The following MYO1D variants were observed in gnomAD, a reference collection of about 807,000 sequenced individuals.
MYO1D encodes the protein unconventional myosin-Id.
Under a neutral mutation model 122.0 loss-of-function variants are expected in MYO1D, and 83 were observed. That is an observed-to-expected ratio of 0.68 (90% CI 0.57 to 0.82). The LOEUF is 0.82. Ranked by LOEUF, MYO1D falls within the 40% of genes least tolerant of loss-of-function variation. The pLI, the probability that MYO1D is intolerant of heterozygous loss-of-function variation, is 0.00. For synonymous variants in MYO1D, 464 were observed against 446.9 expected (o/e 1.04, Z -0.48); for missense variants, 1,157 against 1,269.5 (o/e 0.91, Z 1.35).
intron 21 of MYO1D, among the ~76,000 whole-genome samples, chr17:32,522,113 C>T (rs962688821): frequency 1.4e-5 from 2 of 138,318 alleles, no homozygotes; most frequent in African/African-American, 2.6e-5. Flanking sequence ...AAAAGCAAAA[C>T]TCAGTTTCTC....
chr17:32,629,353 G>A (rs1567917969), intron 20 of MYO1D, among the ~76,000 whole-genome samples: 1 of 152,128 alleles, frequency 6.6e-6, no homozygotes, highest in Non-Finnish European at 1.5e-5. Context: ...AGCATCAAGA[G>A]TGAACCTTTG....
At chr17:32,874,201 T>G (rs2091206822) in intron 1 of MYO1D, among the ~76,000 whole-genome samples, 1 of 152,056 alleles carries the variant, frequency 6.6e-6, no homozygotes, top group Admixed American at 6.6e-5. Context: ...ACTTGACAAA[T>G]AATCACCTAA....
intron 20 of MYO1D, among the ~76,000 whole-genome samples, chr17:32,623,171 T>C (rs957331819): frequency 1.3e-5 from 2 of 152,302 alleles, no homozygotes; most frequent in Non-Finnish European, 2.9e-5. Flanking sequence ...TCAACTTTAC[T>C]TGTTCCCACT....
intron 20 of MYO1D, chr17:32,632,582 TATATACACACACACAC>T (rs1355836856): frequency 4.1e-5 from 4 of 96,722 alleles, no homozygotes; most frequent in Non-Finnish European, 6.0e-5. Context: ...TATATATATA[TATATACACACACACAC>T]ACACACACAC....
At chr17:32,557,720 A>G (rs1189459302) in intron 21 of MYO1D, among the ~76,000 whole-genome samples, 1 of 152,000 alleles carries the variant, frequency 6.6e-6, no homozygotes, top group Non-Finnish European at 1.5e-5. Context: ...GTCTTTCTAT[A>G]AGAGGAAAGA....
Position 32,615,325 on chromosome 17 carries a change from G to A in MYO1D, c.2710-10084C>T, listed in dbSNP as rs140695847. On this transcript the variant is annotated intron_variant, in intron 20 of 21. Coordinates refer to ENST00000318217, the MANE Select transcript of MYO1D (RefSeq NM_015194.3). ...AGACTACTTCGAGCCAGAGGAAAGCGGACCTTTGTTAAGGAGAAAATTTGA... is the reference window on the plus strand; with the variant it reads ...AGACTACTTCGAGCCAGAGGAAAGCAGACCTTTGTTAAGGAGAAAATTTGA... Among the ~76,000 whole-genome samples, 205 of 152,272 alleles carry A rather than the reference G, an allele frequency of 1.3e-3. 3 individuals are homozygous for A. The highest frequency in any genetic ancestry group is 4.7e-3 in the African/African-American group (194 of 41,560).
intron 21 of MYO1D, chr17:32,531,394 T>G (rs1910504222): frequency 6.6e-6 from 1 of 152,178 alleles, no homozygotes; most frequent in African/African-American, 2.4e-5. Flanking sequence ...GGTGATCACG[T>G]CCTTGGTTCT....
intron 17 of MYO1D, among the ~76,000 whole-genome samples, chr17:32,656,108 G>A (rs1210022445): frequency 6.6e-6 from 1 of 152,274 alleles, no homozygotes; most frequent in East Asian, 1.9e-4. Flanking sequence ...AGCCCTGCAC[G>A]ATGCTTATAT....
At chr17:32,728,721 T>C (rs910723290) in intron 14 of MYO1D, among the ~76,000 whole-genome samples, 1 of 152,124 alleles carries the variant, frequency 6.6e-6, no homozygotes, top group Admixed American at 6.5e-5. Context: ...ACAATGTGAT[T>C]TGGAAAATAT....
intron 1 of MYO1D, among the ~76,000 whole-genome samples, chr17:32,808,961 C>A (rs2090544950): frequency 6.6e-6 from 1 of 152,028 alleles, no homozygotes; most frequent in African/African-American, 2.4e-5. Context: ...TTAGGTATAG[C>A]CATACGTATA....
rs1400097122 is a variant in MYO1D, at chr17:32,605,259, A to G, written c.2710-18T>C. 7 of 1,539,520 alleles carry G rather than the reference A, an allele frequency of 4.5e-6. No homozygotes were observed. The highest frequency in any genetic ancestry group is 6.2e-6 in the Non-Finnish European group (7 of 1,130,722). On this transcript the variant is annotated intron_variant, in intron 20 of 21. Coordinates refer to ENST00000318217, the MANE Select transcript of MYO1D (RefSeq NM_015194.3). ...CCAGTCAACTGCAAAGAGAAAATGCATGGAAAACTATTTGGATCATTCTCA... is the reference window on the plus strand; with the variant it reads ...CCAGTCAACTGCAAAGAGAAAATGCGTGGAAAACTATTTGGATCATTCTCA...
chr17:32,826,901 G>A (rs189298466), intron 1 of MYO1D, among the ~76,000 whole-genome samples: 10 of 152,164 alleles, frequency 6.6e-5, no homozygotes, highest in African/African-American at 2.2e-4. Flanking sequence ...AGTATATTAG[G>A]AAACATGGGA....
At chr17:32,640,119 C>A (rs1020716224) in intron 19 of MYO1D, among the ~76,000 whole-genome samples, 1 of 152,028 alleles carries the variant, frequency 6.6e-6, no homozygotes, top group African/African-American at 2.4e-5. Context: ...CCTTAATAAC[C>A]AAAGCACATT....
chr17:32,529,993 C>T (rs755758790), intron 21 of MYO1D: 1 of 152,212 alleles, frequency 6.6e-6, no homozygotes, highest in Non-Finnish European at 1.5e-5. Flanking sequence ...GTCTGCATCA[C>T]CTATTCAGCA....
chr17:32,765,208 A>T, intron 7 of MYO1D, 127 bp from the exon 8 acceptor site: 1 of 699,800 alleles, frequency 1.4e-6, no homozygotes, highest in East Asian at 2.7e-5. Context: ...ACATCTCAAC[A>T]TATAAAAACA....
intron 20 of MYO1D, among the ~76,000 whole-genome samples, chr17:32,610,460 TTTAG>T (rs1359144821): frequency 6.6e-6 from 1 of 152,214 alleles, no homozygotes; most frequent in Non-Finnish European, 1.5e-5. Context: ...GAACGTCCCC[TTTAG>T]TTCTGGAAGA....
chr17:32,634,614 C>T (rs1183038113), intron 20 of MYO1D, among the ~76,000 whole-genome samples: 1 of 152,244 alleles, frequency 6.6e-6, no homozygotes, highest in African/African-American at 2.4e-5. Context: ...AGAGGAACCA[C>T]TTTCTGCTGA....
chr17:32,578,390 C>T (rs2087298402), intron 21 of MYO1D, among the ~76,000 whole-genome samples: 1 of 152,216 alleles, frequency 6.6e-6, no homozygotes, highest in South Asian at 2.1e-4. Context: ...TTACTACTTT[C>T]ACCTGATAGA....
intron 10 of MYO1D, chr17:32,756,338 G>A (rs1039065736): frequency 3.6e-5 from 8 of 220,044 alleles, no homozygotes; most frequent in African/African-American, 1.8e-4. Context: ...TTTTCATGCA[G>A]AATATATATA....
Sources: allele counts gnomAD v4.1 joint callset (sites outside exome capture counted in the v4.1 genomes callset), GRCh38; gene constraint gnomAD v4.1.1; transcripts MANE v1.5; gene names NCBI Gene and HGNC (gene_info 2026-07-23, HGNC 2026-07-21).